ZBTB7C: variants seen among roughly 807,000 people sequenced by gnomAD.
The protein encoded by ZBTB7C is zinc finger and BTB domain-containing protein 7C.
ZBTB7C carries 8 observed loss-of-function variants against 25.7 expected under a neutral mutation model. The observed-to-expected ratio is 0.31, with a 90% CI of 0.18 to 0.56. The LOEUF (loss-of-function observed/expected upper bound fraction) is 0.56, where lower values mean the gene tolerates loss of function less well. Ranked by LOEUF, ZBTB7C falls within the 20% of genes least tolerant of loss-of-function variation. The pLI is 0.91. For synonymous variants in ZBTB7C, 394 were observed against 369.0 expected, an observed-to-expected ratio of 1.07 and a Z score of -0.78; for missense variants, 824 against 855.2, an observed-to-expected ratio of 0.96 and a Z score of 0.46.
At position 48,149,009 on chromosome 18, in the gene ZBTB7C, A is replaced by G. The variant is rs1047042657; in HGVS notation, c.-17+36925T>C. The G allele has an allele frequency of 3.9e-5, 6 of 152,220 alleles. No individual in the cohort carries two copies. The East Asian group carries it at 9.6e-4, about 24-fold the overall frequency. 9.4% of individuals were successfully genotyped at this position (152,220 alleles called of 1,614,324 possible). A position where few individuals can be genotyped will look rare whatever the true frequency, so the allele number is the denominator to read the frequency against. On this transcript the variant is annotated intron_variant, in intron 3 of 4. Transcript: ENST00000590800. ...CTATGAGGTTTTGTTATCCACCTGT[A>G]TATTAGATTAGGTCCTGCCAGCTTA...
chr18:48,345,549 C>G (rs2046709286), intron 1 of ZBTB7C, among the ~76,000 whole-genome samples: 1 of 151,668 alleles, frequency 6.6e-6, no homozygotes, highest in South Asian at 2.1e-4. Flanking sequence ...CACCGCCCCC[C>G]ACACCCCCAG....
intron 2 of ZBTB7C, among the ~76,000 whole-genome samples, chr18:48,302,993 G>T (rs77331095): frequency 0.035 from 5,264 of 152,290 alleles, 177 homozygotes; most frequent in African/African-American, 0.085. Flanking sequence ...GATGGAAGCG[G>T]CATTGGACCA....
intron 2 of ZBTB7C, among the ~76,000 whole-genome samples, chr18:48,283,306 C>T (rs1215889271): frequency 6.6e-6 from 1 of 152,098 alleles, no homozygotes; most frequent in Non-Finnish European, 1.5e-5. Flanking sequence ...CCACTAAATG[C>T]ATTTTATAAA....
chr18:48,083,935 G>A (rs1460213514), intron 3 of ZBTB7C: 2 of 975,800 alleles, frequency 2.0e-6, no homozygotes, highest in East Asian at 1.1e-4. Context: ...GTTGAAGCAG[G>A]CCTTTAAACA....
chr18:48,220,373 G>C (rs1293876516), intron 2 of ZBTB7C, among the ~76,000 whole-genome samples: 1 of 152,128 alleles, frequency 6.6e-6, no homozygotes, highest in Admixed American at 6.5e-5. Context: ...AGAGATGCTG[G>C]GCTAAGGCTC....
At chr18:48,359,963 T>A (rs752724) in intron 1 of ZBTB7C, among the ~76,000 whole-genome samples, 11,035 of 152,184 alleles carry the variant, frequency 0.073, 562 homozygotes, top group East Asian at 0.18. Flanking sequence ...CTGCAGTTGT[T>A]CTGGTTGCTT....
intron 2 of ZBTB7C, among the ~76,000 whole-genome samples, chr18:48,220,331 T>C (rs748437534): frequency 6.6e-6 from 1 of 152,168 alleles, no homozygotes; most frequent in Non-Finnish European, 1.5e-5. Context: ...GTGCCAGCGC[T>C]GGCACCTTGG....
intron 2 of ZBTB7C, among the ~76,000 whole-genome samples, chr18:48,218,624 A>C (rs1403857277): frequency 1.3e-5 from 2 of 152,212 alleles, no homozygotes; most frequent in Non-Finnish European, 2.9e-5. Context: ...TTAAACCACA[A>C]GTACATTTTC....
chr18:48,097,879 C>T (rs1234332662), intron 3 of ZBTB7C, among the ~76,000 whole-genome samples: 3 of 145,570 alleles, frequency 2.1e-5, no homozygotes, highest in Non-Finnish European at 4.5e-5. Context: ...TTACAAGCAT[C>T]TTTTTTTTTT....
intron 1 of ZBTB7C, among the ~76,000 whole-genome samples, chr18:48,349,331 C>G (rs1313052686): frequency 6.6e-6 from 1 of 152,178 alleles, no homozygotes. Context: ...AGACCAAGTT[C>G]AAGTCTGCAT....
intron 2 of ZBTB7C, among the ~76,000 whole-genome samples, chr18:48,230,978 A>T (rs1440062207): frequency 6.6e-6 from 1 of 152,144 alleles, no homozygotes; most frequent in Admixed American, 6.5e-5. Flanking sequence ...GAACTGACAC[A>T]CCAGACCCCT....
intron 2 of ZBTB7C, among the ~76,000 whole-genome samples, chr18:48,281,965 A>G (rs1293870548): frequency 2.2e-4 from 30 of 136,992 alleles, no homozygotes; most frequent in African/African-American, 6.4e-4. Context: ...TACTGGGTAT[A>G]TACCCAAAGG....
At chr18:48,236,857 G>A (rs1344440350) in intron 2 of ZBTB7C, among the ~76,000 whole-genome samples, 1 of 152,208 alleles carries the variant, frequency 6.6e-6, no homozygotes. Flanking sequence ...TCCATGCCAG[G>A]TAGCTTTGCA....
intron 2 of ZBTB7C, among the ~76,000 whole-genome samples, chr18:48,223,915 A>T (rs1568313466): frequency 6.6e-6 from 1 of 152,214 alleles, no homozygotes; most frequent in Non-Finnish European, 1.5e-5. Context: ...TGGAGACAGA[A>T]GCGGCTCACA....
intron 3 of ZBTB7C, chr18:48,136,890 G>A: frequency 1.1e-6 from 1 of 872,398 alleles, no homozygotes; most frequent in South Asian, 5.2e-5. Flanking sequence ...TGCCCGCAGC[G>A]CTCTCCCGGC....
At chr18:48,277,137 T>C (rs1185535285) in intron 2 of ZBTB7C, among the ~76,000 whole-genome samples, 1 of 143,024 alleles carries the variant, frequency 7.0e-6, no homozygotes, top group Non-Finnish European at 1.5e-5. Context: ...AAAGCCAAAA[T>C]TGACAAATGG....
intron 3 of ZBTB7C, among the ~76,000 whole-genome samples, chr18:48,147,464 G>A (rs898085765): frequency 2.0e-5 from 3 of 152,178 alleles, no homozygotes; most frequent in African/African-American, 7.2e-5. Flanking sequence ...TCTTAAAACT[G>A]CTGACCCAAG....
chr18:48,160,797 A>T (rs1255564388), intron 3 of ZBTB7C, among the ~76,000 whole-genome samples: 1 of 152,102 alleles, frequency 6.6e-6, no homozygotes, highest in Non-Finnish European at 1.5e-5. Flanking sequence ...CTGAGAGGGC[A>T]GTGGCAGTCT....
intron 2 of ZBTB7C, among the ~76,000 whole-genome samples, chr18:48,236,116 T>C (rs1245381394): frequency 1.3e-5 from 2 of 152,256 alleles, no homozygotes; most frequent in East Asian, 3.8e-4. Flanking sequence ...ATTTTCTTAA[T>C]TTTTTGTTTC....
Sources: gnomAD v4.1 joint callset for allele counts (sites outside exome capture counted in the v4.1 genomes callset) on GRCh38, gnomAD v4.1.1 for gene constraint, MANE v1.5 for transcripts, NCBI Gene and HGNC (gene_info 2026-07-23, HGNC 2026-07-21) for gene names.